The following NOS1 variants were observed in gnomAD, a reference collection of about 807,000 sequenced individuals.
The protein encoded by NOS1 is NOS type I.
In NOS1, 51 loss-of-function variants were observed where a neutral mutation model predicts 164.5. The observed-to-expected ratio is 0.31, with a 90% CI of 0.25 to 0.39. The LOEUF (loss-of-function observed/expected upper bound fraction) is 0.39. Ranked by LOEUF, NOS1 falls within the 10% of genes least tolerant of loss-of-function variation. The probability of loss-of-function intolerance (pLI) is 1.00; values close to 1 mark genes in which losing one functional copy is unlikely to be tolerated. For synonymous variants in NOS1, 719 were observed against 745.8 expected, an observed-to-expected ratio of 0.96 and a Z score of 0.59; for missense variants, 1,362 against 1,885.6, an observed-to-expected ratio of 0.72 and a Z score of 5.14.
rs1956494684 is a variant in NOS1 at position 117,209,417 on chromosome 12, C to T, written c.*5892G>A. On this transcript the variant is annotated 3_prime_UTR_variant, in exon 29 of 29. Transcript: ENST00000317775. ...GCTAAGGTTGACAGACCCTGCGCTA[C>T]AGTCTCCTAGAACTTAGGAGTCAAA... is the stretch of plus-strand genomic sequence containing the variant. 1.0e-6 allele frequency: 1 copy of T among 985,284 alleles called. No homozygotes were observed. Among genetic ancestry groups the T allele is most frequent in the South Asian group, 4.7e-5 (1 of 21,298 alleles). The allele number at this position is 985,284 out of a possible 1,614,324, so 61.0% of individuals were successfully genotyped here.
At position 117,330,286 on chromosome 12, in the gene NOS1, A is replaced by C; in HGVS notation, c.725+59T>G. ...GCTGAGTCTCAGTAGACGCACATGC[A>C]CACACACAAGCATGCACACACACAC... On this transcript the variant is annotated intron_variant, in intron 2 of 28. Transcript: ENST00000317775. The surrounding 1 kb of genome is among the most constrained non-coding windows in gnomAD (Gnocchi z 4.6). 6.6e-7 allele frequency: 1 copy of C among 1,517,662 alleles called. No individual in the cohort carries two copies. Among genetic ancestry groups the C allele is most frequent in the Non-Finnish European group, 8.8e-7 (1 of 1,133,378 alleles). The allele number at this position is 1,517,662 out of a possible 1,614,324, so 94.0% of individuals were successfully genotyped here. A position where few individuals can be genotyped will look rare whatever the true frequency, so the allele number is the denominator to read the frequency against.
chr12:117,263,863 C>T, intron 13 of NOS1, 26 bp downstream of exon 13: 2 of 1,587,776 alleles, frequency 1.3e-6, no homozygotes, highest in East Asian at 4.5e-5. Context: ...GACATCCACC[C>T]CACCCGCCCA....
Position 117,210,036 on chromosome 12 carries a change from G to C in NOS1, c.*5273C>G. On this transcript the variant is annotated 3_prime_UTR_variant, in exon 29 of 29. Transcript: ENST00000317775. ...CACTCAGGCTGGAGTGCAGTGGTGC[G>C]ATCCTAGCTCACTGTCGCCTCAAAC... 4 of 938,982 alleles carry C rather than the reference G, an allele frequency of 4.3e-6. No homozygotes were observed. The highest frequency in any genetic ancestry group is 5.1e-6 in the Non-Finnish European group (4 of 787,724). 58.2% of individuals were successfully genotyped at this position (938,982 alleles called of 1,614,324 possible).
intron 1 of NOS1, among the ~76,000 whole-genome samples, chr12:117,357,044 C>T (rs867709042): frequency 6.6e-6 from 1 of 152,158 alleles, no homozygotes; most frequent in Non-Finnish European, 1.5e-5. Context: ...TTTTCTAGGC[C>T]TGGCGTGGTG....
chr12:117,292,637 A>G (rs1873137256), intron 3 of NOS1, among the ~76,000 whole-genome samples: 1 of 152,212 alleles, frequency 6.6e-6, no homozygotes, highest in Non-Finnish European at 1.5e-5. Context: ...GTTGCCCAAG[A>G]TTGTAGAGCT....
At chr12:117,222,157 C>T (rs1221101591) in intron 26 of NOS1, among the ~76,000 whole-genome samples, 9 of 152,112 alleles carry the variant, frequency 5.9e-5, no homozygotes, top group African/African-American at 2.2e-4. Context: ...TCCCTCAGCC[C>T]CTGGCAACCA....
At position 117,211,215 on chromosome 12, in the gene NOS1, C is replaced by G. The variant is rs1348713648; in HGVS notation, c.*4094G>C. ...TCAACTGATACACCCACCTCGGCCT[C>G]CCAAAGTGCTGGGATTACAGACATG... On this transcript the variant is annotated 3_prime_UTR_variant, in exon 29 of 29. Transcript: ENST00000317775. 1.0e-6 allele frequency: 1 copy of G among 981,736 alleles called. No homozygotes were observed. Among genetic ancestry groups the G allele is most frequent in the Non-Finnish European group, 1.2e-6 (1 of 826,738 alleles). The allele number at this position is 981,736 out of a possible 1,614,324, so 60.8% of individuals were successfully genotyped here.
At chr12:117,282,491 A>G (rs957164054) in intron 7 of NOS1, among the ~76,000 whole-genome samples, 6 of 152,160 alleles carry the variant, frequency 3.9e-5, no homozygotes, top group Non-Finnish European at 7.3e-5. Context: ...TCAAGACCTG[A>G]TTCAAATCTG....
chr12:117,283,056 A>ATATATATATATT (rs1360367568), intron 7 of NOS1, among the ~76,000 whole-genome samples: 4 of 92,954 alleles, frequency 4.3e-5, no homozygotes, highest in African/African-American at 1.4e-4. Flanking sequence ...ATATATATAT[A>ATATATATATATT]TTTTTTTTTT....
Position 117,356,005 on chromosome 12 carries a change from G to A in NOS1, c.-421+5507C>T, listed in dbSNP as rs1876837921. ...GAGCTCAAACAATCCTCCTGCCTCA[G>A]TCTCCCAAAGTGTTGGGATTACAGG... On this transcript the variant is annotated intron_variant, in intron 1 of 28. Coordinates refer to ENST00000317775, the MANE Select transcript of NOS1 (RefSeq NM_000620.5). The surrounding 1 kb of genome is among the most constrained non-coding windows in gnomAD (Gnocchi z 4.2). Among the ~76,000 whole-genome samples, 1 of 152,196 alleles carries A rather than the reference G, an allele frequency of 6.6e-6. No individual in the cohort carries two copies. The highest frequency in any genetic ancestry group is 2.4e-5 in the African/African-American group (1 of 41,448).
At chr12:117,302,860 C>G (rs879922261) in intron 3 of NOS1, among the ~76,000 whole-genome samples, 2 of 152,082 alleles carry the variant, frequency 1.3e-5, no homozygotes, top group Non-Finnish European at 2.9e-5. Flanking sequence ...ATTCCCCCGC[C>G]TCAGCCTCCT....
intron 3 of NOS1, among the ~76,000 whole-genome samples, chr12:117,299,681 C>CCTCT (rs10532868): frequency 6.9e-6 from 1 of 144,218 alleles, no homozygotes; most frequent in Non-Finnish European, 1.5e-5. Flanking sequence ...GCTTACTCTG[C>CCTCT]CTCTCTCTCT....
At chr12:117,270,808 G>T (rs1472102447) in intron 10 of NOS1, among the ~76,000 whole-genome samples, 1 of 152,064 alleles carries the variant, frequency 6.6e-6, no homozygotes, top group African/African-American at 2.4e-5. Flanking sequence ...GGCCAAGGCG[G>T]GTGGATCATC....
At chr12:117,311,701 T>A (rs1593013927) in intron 2 of NOS1, 109 bp from the exon 3 acceptor site, 1 of 1,218,932 alleles carries the variant, frequency 8.2e-7, no homozygotes, top group Non-Finnish European at 1.1e-6. Flanking sequence ...CTCACTCACA[T>A]AACTCCATAT....
chr12:117,233,789 C>G (rs889764714), intron 21 of NOS1, among the ~76,000 whole-genome samples: 1 of 82,732 alleles, frequency 1.2e-5, no homozygotes, highest in Non-Finnish European at 2.2e-5. Flanking sequence ...GCCTGGGCAA[C>G]AAGAGCAAAA....
In NOS1 at chr12:117,211,599, C is replaced by A. The variant is rs1415276287; in HGVS notation, c.*3710G>T. Reference sequence around the variant, plus strand: ...GCCCACCTTTTCTCACCCTCCTCAGCCTTCCAAAGCCAGCCTCAATTTATC... The same window carrying A: ...GCCCACCTTTTCTCACCCTCCTCAGACTTCCAAAGCCAGCCTCAATTTATC... On this transcript the variant is annotated 3_prime_UTR_variant, in exon 29 of 29. Transcript: ENST00000317775. The A allele has an allele frequency of 1.0e-6, 1 of 985,534 alleles. No homozygotes were observed. Among genetic ancestry groups the A allele is most frequent in the African/African-American group, 1.7e-5 (1 of 57,236 alleles). 61.0% of individuals were successfully genotyped at this position (985,534 alleles called of 1,614,324 possible).
rs566438969 is a variant in NOS1, at chr12:117,211,252, C to T, written c.*4057G>A. 1 of 985,406 alleles carries T rather than the reference C, an allele frequency of 1.0e-6. No homozygotes were observed. The highest frequency in any genetic ancestry group is 1.1e-4 in the East Asian group (1 of 8,804). The allele number at this position is 985,406 out of a possible 1,614,324, so 61.0% of individuals were successfully genotyped here. ...GGATTACAGACATGAGCTACCGCGCCCAGCCTGCAAGATGCTTTAATTTCT... is the reference window on the plus strand; with the variant it reads ...GGATTACAGACATGAGCTACCGCGCTCAGCCTGCAAGATGCTTTAATTTCT... On this transcript the variant is annotated 3_prime_UTR_variant, in exon 29 of 29. Transcript: ENST00000317775.
intron 1 of NOS1, among the ~76,000 whole-genome samples, chr12:117,354,590 C>T (rs944263474): frequency 1.3e-5 from 2 of 152,150 alleles, no homozygotes; most frequent in African/African-American, 4.8e-5. Context: ...GATTTATCCC[C>T]GGAGGTTACT....
In NOS1 at chr12:117,260,519, C is replaced by A. The variant is rs79567967; in HGVS notation, c.2313G>T (p.Ser771=). Residue 771 remains serine, a synonymous_variant, in exon 14 of 29, where the codon TCG becomes TCT. Coordinates refer to ENST00000317775, the MANE Select transcript of NOS1 (RefSeq NM_000620.5). ...TILYATETGK[S]QAYAKTLCEI... is the part of the protein sequence containing the mutation. ...CACACAAGGTCTTGGCATAAGCTTG[C>A]GATTTGCCTGTCTCTGTGGCATAGA... 7 of 1,614,010 alleles carry A rather than the reference C, an allele frequency of 4.3e-6. No homozygotes were observed. Among genetic ancestry groups the A allele is most frequent in the Middle Eastern group, 1.6e-4 (1 of 6,084 alleles).
Sources: allele counts gnomAD v4.1 joint callset (sites outside exome capture counted in the v4.1 genomes callset), GRCh38; gene constraint gnomAD v4.1.1; non-coding constraint Gnocchi (gnomAD v3.1); transcripts MANE v1.5; gene names NCBI Gene and HGNC (gene_info 2026-07-23, HGNC 2026-07-21).